The following MCU variants were observed in gnomAD, a reference collection of about 807,000 sequenced individuals.
The protein encoded by MCU is mitochondrial calcium uniporter, also known as calcium uniporter protein, mitochondrial.
In MCU, 12 loss-of-function variants were observed where a neutral mutation model predicts 45.2. The ratio of observed to expected loss-of-function variants is 0.27; its 90% CI spans 0.17 to 0.43. The LOEUF is 0.43. MCU is among the 20% of genes least tolerant of loss of function. MCU has a pLI of 1.00. For missense variants in MCU, 324 were observed against 436.7 expected, an observed-to-expected ratio of 0.74 and a Z score of 2.30; for synonymous variants, 160 against 165.1, an observed-to-expected ratio of 0.97 and a Z score of 0.24.
chr10:72,871,528 T>C lies in MCU; in HGVS notation c.809T>C (p.Ile270Thr). The change falls in exon 6 of 8, where the codon ATC becomes ACC. Residue 270 changes from isoleucine (I) to threonine (T), a missense_variant. Physicochemically the swap from Ile to Thr is moderately conservative, Grantham distance 89 (BLOSUM62 -1). Coordinates refer to ENST00000373053, the MANE Select transcript of MCU (RefSeq NM_138357.3). ...ATCATGGAGCCAGTAACATACTTCA[T>C]CACTTATGGAAGTGCCATGGCAATG... is the stretch of plus-strand genomic sequence containing the variant. ...WDIMEPVTYFITYGSAMAMYA... is the reference protein window; with the variant it reads ...WDIMEPVTYFTTYGSAMAMYA... 6.2e-7 allele frequency: 1 copy of C among 1,614,186 alleles called. No homozygotes were observed. Among genetic ancestry groups the C allele is most frequent in the Non-Finnish European group, 8.5e-7 (1 of 1,180,020 alleles).
chr10:72,755,209 G>A (rs1843558443), intron 1 of MCU, among the ~76,000 whole-genome samples: 1 of 149,908 alleles, frequency 6.7e-6, no homozygotes, highest in Non-Finnish European at 1.5e-5. Context: ...GAGTGCAATG[G>A]TATGATCTCA....
chr10:72,861,785 C>G (rs1298502335), intron 4 of MCU: 1 of 288,998 alleles, frequency 3.5e-6, no homozygotes, highest in Non-Finnish European at 6.8e-6. Context: ...CCGTGAGTCA[C>G]CGCACCCAGC....
intron 6 of MCU, among the ~76,000 whole-genome samples, chr10:72,883,247 C>T (rs1845732790): frequency 6.6e-6 from 1 of 152,110 alleles, no homozygotes; most frequent in African/African-American, 2.4e-5. Flanking sequence ...ACTTGACTGT[C>T]ACAAGGTATG....
chr10:72,863,237 TG>T (rs1366919186), intron 4 of MCU, among the ~76,000 whole-genome samples: 1 of 152,122 alleles, frequency 6.6e-6, no homozygotes, highest in African/African-American at 2.4e-5. Context: ...CTCTGACCCC[TG>T]ACCAACCAAA....
At chr10:72,826,606 C>T (rs1298288142) in intron 1 of MCU, among the ~76,000 whole-genome samples, 1 of 152,122 alleles carries the variant, frequency 6.6e-6, no homozygotes, top group African/African-American at 2.4e-5. Context: ...AACTGTCTAT[C>T]AAAAAGGGCA....
At chr10:72,872,991 T>C (rs953128278) in intron 6 of MCU, among the ~76,000 whole-genome samples, 3 of 150,624 alleles carry the variant, frequency 2.0e-5, no homozygotes, top group Admixed American at 2.0e-4. Context: ...TATTTGTTTG[T>C]TTTTGTTTTT....
At chr10:72,844,784 G>C (rs939100315) in intron 2 of MCU, among the ~76,000 whole-genome samples, 8 of 152,128 alleles carry the variant, frequency 5.3e-5, no homozygotes, top group African/African-American at 1.9e-4. Flanking sequence ...GGGCATCTAG[G>C]CATGAAACTA....
At chr10:72,758,273 C>T (rs189652495) in intron 1 of MCU, among the ~76,000 whole-genome samples, 22 of 152,310 alleles carry the variant, frequency 1.4e-4, no homozygotes, top group East Asian at 9.6e-4. Context: ...CACCTGAGCT[C>T]GAGTGATCTC....
chr10:72,866,278 A>G (rs1043464623), intron 4 of MCU, among the ~76,000 whole-genome samples: 1 of 152,170 alleles, frequency 6.6e-6, no homozygotes, highest in Admixed American at 6.5e-5. Flanking sequence ...GAGGGATGAC[A>G]TTCATTGAAT....
intron 1 of MCU, among the ~76,000 whole-genome samples, chr10:72,832,674 T>C (rs552088201): frequency 1.3e-5 from 2 of 152,350 alleles, no homozygotes; most frequent in South Asian, 2.1e-4. Flanking sequence ...CTAATATTTA[T>C]TGAGAATTTA....
chr10:72,881,828 C>T (rs1312895995), intron 6 of MCU, among the ~76,000 whole-genome samples: 1 of 152,166 alleles, frequency 6.6e-6, no homozygotes, highest in African/African-American at 2.4e-5. Flanking sequence ...TGAAAATGTA[C>T]ATCCACACAA....
intron 1 of MCU, among the ~76,000 whole-genome samples, chr10:72,774,519 C>T (rs1372662028): frequency 6.6e-6 from 1 of 152,020 alleles, no homozygotes; most frequent in Non-Finnish European, 1.5e-5. Context: ...AAATAAGCCA[C>T]AAAATGGCAG....
chr10:72,884,147 TAACAC>T (rs755794221), intron 6 of MCU, 114 bp from the exon 7 acceptor site: 215 of 664,654 alleles, frequency 3.2e-4, no homozygotes, highest in African/African-American at 8.3e-4. Flanking sequence ...ATTAAATACT[TAACAC>T]AGCACATGTC....
intron 1 of MCU, among the ~76,000 whole-genome samples, chr10:72,827,093 C>CATAT (rs1229499608): frequency 6.6e-6 from 1 of 152,150 alleles, no homozygotes; most frequent in African/African-American, 2.4e-5. Context: ...AGTCTTAGAA[C>CATAT]ATATCCCTCA....
intron 1 of MCU, among the ~76,000 whole-genome samples, chr10:72,830,676 AAGG>A (rs1473128176): frequency 3.9e-5 from 6 of 152,194 alleles, no homozygotes; most frequent in Non-Finnish European, 7.4e-5. Context: ...TTAGAATAGG[AAGG>A]AGAATAAGAT....
At chr10:72,874,845 T>C (rs954153219) in intron 6 of MCU, among the ~76,000 whole-genome samples, 11 of 152,206 alleles carry the variant, frequency 7.2e-5, no homozygotes, top group African/African-American at 2.2e-4. Context: ...GGGTACAAAA[T>C]AGTGGTATTT....
intron 1 of MCU, among the ~76,000 whole-genome samples, chr10:72,759,903 T>C (rs1324536349): frequency 6.6e-6 from 1 of 152,084 alleles, no homozygotes; most frequent in African/African-American, 2.4e-5. Flanking sequence ...CAGAAACCAA[T>C]CCTTGATTTG....
chr10:72,719,738 A>G (rs1055298192), intron 1 of MCU, among the ~76,000 whole-genome samples: 4 of 152,194 alleles, frequency 2.6e-5, no homozygotes, highest in Non-Finnish European at 4.4e-5. Context: ...TTTATCCTTT[A>G]TATTACAAAC....
chr10:72,751,455 A>G (rs891019240), intron 1 of MCU, among the ~76,000 whole-genome samples: 1 of 142,268 alleles, frequency 7.0e-6, no homozygotes, highest in African/African-American at 2.7e-5. Flanking sequence ...CCTGGGTTCA[A>G]GTGATTTTCG....
Sources: gnomAD v4.1 joint callset for allele counts (sites outside exome capture counted in the v4.1 genomes callset) on GRCh38, gnomAD v4.1.1 for gene constraint, MANE v1.5 for transcripts, NCBI Gene and HGNC (gene_info 2026-07-23, HGNC 2026-07-21) for gene names.